KAT6B: variants seen among roughly 807,000 people sequenced by gnomAD.
KAT6B encodes lysine acetyltransferase 6B.
A neutral mutation model predicts 187.5 loss-of-function variants in KAT6B; 10 were observed. The observed-to-expected ratio is 0.05, with a 90% CI of 0.03 to 0.09. The LOEUF (loss-of-function observed/expected upper bound fraction) is 0.09. Among genes scored for constraint, KAT6B ranks in the 10% least tolerant of loss-of-function variants. The pLI, the probability that KAT6B is intolerant of heterozygous loss-of-function variation, is 1.00. For missense variants in KAT6B, 1,952 were observed against 2,558.9 expected, an observed-to-expected ratio of 0.76 and a Z score of 5.12; for synonymous variants, 861 against 926.8, an observed-to-expected ratio of 0.93 and a Z score of 1.29.
chr10:75,011,098 G>C (rs1316714151), intron 13 of KAT6B, among the ~76,000 whole-genome samples: 3 of 152,110 alleles, frequency 2.0e-5, no homozygotes, highest in African/African-American at 4.8e-5. Context: ...GGGGGAGCCA[G>C]GTATTTAAAA....
At chr10:74,917,341 T>C (rs1236730172) in intron 3 of KAT6B, among the ~76,000 whole-genome samples, 1 of 152,232 alleles carries the variant, frequency 6.6e-6, no homozygotes, top group Non-Finnish European at 1.5e-5. Flanking sequence ...TTAACTAAAC[T>C]GTGGCCCTTT....
intron 3 of KAT6B, among the ~76,000 whole-genome samples, chr10:74,892,485 T>C (rs1432469614): frequency 6.6e-6 from 1 of 152,186 alleles, no homozygotes; most frequent in East Asian, 1.9e-4. Flanking sequence ...TAGCCTTTAC[T>C]TTTGTACATT....
chr10:74,981,581 C>T (rs1052169803), intron 10 of KAT6B, among the ~76,000 whole-genome samples: 9 of 152,226 alleles, frequency 5.9e-5, no homozygotes, highest in Admixed American at 2.6e-4. Flanking sequence ...ACCATGTTGG[C>T]CAGGCTGGTC....
chr10:74,975,876 C>T lies in KAT6B; in HGVS notation c.1539C>T (p.Ala513=), dbSNP rs774605212. The change falls in exon 8 of 18, where the codon GCC becomes GCT. Residue 513 remains alanine (A), a synonymous_variant. Coordinates refer to ENST00000287239, the MANE Select transcript of KAT6B (RefSeq NM_012330.4). ...QSPSSQKSST[A]TSSPSPQSSS... is the part of the protein sequence containing the mutation. ...CCAGTTCACAAAAGTCCAGCACGGC[C>T]ACTTCTTCTCCCTCTCCCCAGAGTT... is the stretch of plus-strand genomic sequence containing the variant. The T allele has an allele frequency of 9.3e-6, 15 of 1,614,162 alleles. No homozygotes were observed. In the Admixed American group the frequency reaches 1.0e-4, roughly 11 times the overall value.
intron 1 of KAT6B, among the ~76,000 whole-genome samples, chr10:74,832,587 C>G (rs748674777): frequency 1.3e-5 from 2 of 151,968 alleles, no homozygotes; most frequent in Non-Finnish European, 2.9e-5. Flanking sequence ...CTGCAACCTC[C>G]ACCTCCTGGG....
intron 7 of KAT6B, 86 bp from the exon 8 acceptor site, chr10:74,975,313 G>T (rs1564599370): frequency 2.9e-6 from 3 of 1,028,616 alleles, no homozygotes; most frequent in Non-Finnish European, 4.5e-6. Context: ...CCCATTGAAT[G>T]CATCTAGTTG....
intron 1 of KAT6B, among the ~76,000 whole-genome samples, chr10:74,829,411 A>G (rs1840561812): frequency 6.6e-6 from 1 of 152,006 alleles, no homozygotes. Flanking sequence ...TCAGTTTTCC[A>G]CGTGCTTACA....
At chr10:74,992,240 T>TA (rs1321352442) in intron 13 of KAT6B, among the ~76,000 whole-genome samples, 1 of 152,164 alleles carries the variant, frequency 6.6e-6, no homozygotes, top group African/African-American at 2.4e-5. Flanking sequence ...GGGAGAAAGA[T>TA]ATAGCCGCCC....
intron 3 of KAT6B, among the ~76,000 whole-genome samples, chr10:74,875,385 G>A (rs1033324930): frequency 2.0e-5 from 3 of 152,144 alleles, no homozygotes; most frequent in African/African-American, 7.2e-5. Flanking sequence ...ATCTTGAATA[G>A]TGAGGGGACC....
At chr10:74,881,978 A>G (rs1291661773) in intron 3 of KAT6B, among the ~76,000 whole-genome samples, 1 of 152,214 alleles carries the variant, frequency 6.6e-6, no homozygotes, top group Non-Finnish European at 1.5e-5. Flanking sequence ...TTTAGACACC[A>G]GAGGCTTCCT....
chr10:74,904,622 G>A (rs1846629216), intron 3 of KAT6B, among the ~76,000 whole-genome samples: 1 of 152,142 alleles, frequency 6.6e-6, no homozygotes, highest in Admixed American at 6.5e-5. Context: ...ATCCCTTGAT[G>A]ACTGGCCAGC....
chr10:74,826,091 A>G (rs1014242580), upstream of KAT6B, among the ~76,000 whole-genome samples: 1 of 141,296 alleles, frequency 7.1e-6, no homozygotes, highest in African/African-American at 2.6e-5. Context: ...GGCCGCCGCC[A>G]GCGATCAGCT....
intron 16 of KAT6B, chr10:75,023,579 A>G (rs1422785323): frequency 6.6e-6 from 1 of 152,244 alleles, no homozygotes; most frequent in Non-Finnish European, 1.5e-5. Context: ...ATATTAGGGA[A>G]AATTCTCATG....
intron 3 of KAT6B, among the ~76,000 whole-genome samples, chr10:74,944,808 CA>C (rs58164194): frequency 5.6e-3 from 183 of 32,886 alleles, no homozygotes; most frequent in Middle Eastern, 0.023. Context: ...GACTCCGTCT[CA>C]AAAAAAAAAA....
In KAT6B at chr10:74,976,346, A is replaced by G. The variant is rs1215229082; in HGVS notation, c.1993+16A>G. ...CAGGATGATGGTAAGCAAAAGGTCA[A>G]AGCTCCAACCAAACCTGCGTCCCGT... On this transcript the variant is annotated intron_variant, in intron 8 of 17. Transcript: ENST00000287239. The G allele has an allele frequency of 6.2e-7, 1 of 1,606,292 alleles. No homozygotes were observed.
chr10:74,966,840 A>G (rs1841508307), intron 4 of KAT6B, among the ~76,000 whole-genome samples: 1 of 152,056 alleles, frequency 6.6e-6, no homozygotes, highest in African/African-American at 2.4e-5. Context: ...AGCCTGGCCA[A>G]CATGGCAAAA....
At chr10:75,014,755 T>C (rs901818720) in intron 13 of KAT6B, among the ~76,000 whole-genome samples, 1 of 152,132 alleles carries the variant, frequency 6.6e-6, no homozygotes, top group African/African-American at 2.4e-5. Context: ...GTCTGCACAA[T>C]GGAAGTTGAG....
At chr10:74,849,348 C>T (rs376679063) in intron 3 of KAT6B, among the ~76,000 whole-genome samples, 17 of 150,350 alleles carry the variant, frequency 1.1e-4, no homozygotes, top group East Asian at 5.9e-4. Flanking sequence ...GACTGGAGTA[C>T]GCTGGTGCCA....
rs372867365 is a variant in KAT6B, at chr10:75,018,074, T to C, written c.2630-2508T>C. Among the ~76,000 whole-genome samples, 454 of 152,274 alleles carry C rather than the reference T, an allele frequency of 3.0e-3. 4 individuals are homozygous for C. The highest frequency in any genetic ancestry group is 0.01 in the Middle Eastern group (3 of 294). On this transcript the variant is annotated intron_variant, in intron 13 of 17. Transcript: ENST00000287239. ...GATAGTGGCCTTGTGCAGTCTGCAG[T>C]GTCGGTGCACGTCATCCCTGCACAC...
Sources: allele counts gnomAD v4.1 joint callset (sites outside exome capture counted in the v4.1 genomes callset), GRCh38; gene constraint gnomAD v4.1.1; transcripts MANE v1.5; gene names NCBI Gene and HGNC (gene_info 2026-07-23, HGNC 2026-07-21).